PBX1: variants seen among roughly 807,000 people sequenced by gnomAD.
The protein encoded by PBX1 is pre-B-cell leukemia transcription factor 1.
Under a neutral mutation model 53.4 loss-of-function variants are expected in PBX1, and 6 were observed. The observed-to-expected ratio is 0.11, with a 90% CI of 0.06 to 0.22. The LOEUF is 0.22. Among genes scored for constraint, PBX1 ranks in the 10% least tolerant of loss-of-function variants. The pLI is 1.00. For missense variants in PBX1, 251 were observed against 551.4 expected, an observed-to-expected ratio of 0.46 and a Z score of 5.46; for synonymous variants, 204 against 212.3, an observed-to-expected ratio of 0.96 and a Z score of 0.34.
In PBX1 at chr1:164,744,883, G is replaced by T. The variant is rs145298537; in HGVS notation, c.266-47611G>T. Among the ~76,000 whole-genome samples the T allele has an allele frequency of 3.9e-3, 599 of 152,234 alleles. 3 individuals are homozygous for T. Among genetic ancestry groups the T allele is most frequent in the African/African-American group, 0.014 (563 of 41,520 alleles). On this transcript the variant is annotated intron_variant, in intron 2 of 8. Transcript: ENST00000420696. ...TCTTATCTAAGAAGACAGTGGTGGGGGTGGTGGTGGGTGGGAAGAGAAAGG... is the reference window on the plus strand; with the variant it reads ...TCTTATCTAAGAAGACAGTGGTGGGTGTGGTGGTGGGTGGGAAGAGAAAGG...
intron 2 of PBX1, among the ~76,000 whole-genome samples, chr1:164,625,017 A>G (rs1489749894): frequency 6.6e-6 from 1 of 152,226 alleles, no homozygotes; most frequent in African/African-American, 2.4e-5. Context: ...TATAGGGTGG[A>G]AAAATCTCCT....
At chr1:164,879,742 T>C (rs1468660924) in intron 2 of PBX1, among the ~76,000 whole-genome samples, 2 of 152,234 alleles carry the variant, frequency 1.3e-5, no homozygotes, top group African/African-American at 4.8e-5. Context: ...GAGTGGATAA[T>C]ATGACCAGAT....
At chr1:164,625,460 A>G (rs1277920038) in intron 2 of PBX1, among the ~76,000 whole-genome samples, 1 of 152,202 alleles carries the variant, frequency 6.6e-6, no homozygotes, top group Non-Finnish European at 1.5e-5. Context: ...TATTGTACGC[A>G]GAAAGACAGA....
At chr1:164,836,545 A>C (rs79617663) in intron 8 of PBX1, among the ~76,000 whole-genome samples, 1 of 152,132 alleles carries the variant, frequency 6.6e-6, no homozygotes, top group Non-Finnish European at 1.5e-5. Context: ...TCATTTCATC[A>C]GTAAATAGAA....
At chr1:164,607,440 T>C (rs1473426287) in intron 2 of PBX1, among the ~76,000 whole-genome samples, 1 of 152,120 alleles carries the variant, frequency 6.6e-6, no homozygotes, top group East Asian at 1.9e-4. Context: ...AAGTGAAGAA[T>C]AGCAATGTCT....
chr1:164,698,333 G>A lies in PBX1; in HGVS notation c.266-94161G>A, dbSNP rs541135223. Among the ~76,000 whole-genome samples the A allele has an allele frequency of 2.0e-5, 3 of 152,296 alleles. 1 individual carries two copies. The highest frequency in any genetic ancestry group is 7.2e-5 in the African/African-American group (3 of 41,568). ...ATGGTCTTACTGGTATAAATAATAA[G>A]CACAGAGTGTTTCATACATATCAAA... On this transcript the variant is annotated intron_variant, in intron 2 of 8. Coordinates refer to ENST00000420696, the MANE Select transcript of PBX1 (RefSeq NM_002585.4).
intron 2 of PBX1, among the ~76,000 whole-genome samples, chr1:164,603,032 AT>A (rs1266043723): frequency 6.6e-6 from 1 of 150,958 alleles, no homozygotes; most frequent in Non-Finnish European, 1.5e-5. Context: ...TTCTGCAGCT[AT>A]TTTTTCCCCT....
intron 2 of PBX1, among the ~76,000 whole-genome samples, chr1:164,709,815 C>T (rs563464245): frequency 6.3e-4 from 96 of 152,312 alleles, no homozygotes; most frequent in African/African-American, 2.2e-3. Context: ...AGGAACATTA[C>T]CACGGACTCA....
intron 4 of PBX1, among the ~76,000 whole-genome samples, chr1:164,804,860 T>C (rs1451451450): frequency 6.6e-6 from 1 of 152,216 alleles, no homozygotes; most frequent in Non-Finnish European, 1.5e-5. Flanking sequence ...TCTATAGTAA[T>C]GTCACCAAAT....
chr1:164,764,532 A>C (rs1181906470), intron 2 of PBX1, among the ~76,000 whole-genome samples: 1 of 152,174 alleles, frequency 6.6e-6, no homozygotes, highest in Non-Finnish European at 1.5e-5. Context: ...TCTCTTCAGA[A>C]TGTCAGGAGA....
chr1:164,720,274 T>C (rs1664332039), intron 2 of PBX1, among the ~76,000 whole-genome samples: 1 of 151,984 alleles, frequency 6.6e-6, no homozygotes, highest in African/African-American at 2.4e-5. Flanking sequence ...GTCCTGTGGG[T>C]TTAATGACCA....
At chr1:164,682,961 A>G (rs1661875051) in intron 2 of PBX1, 1 of 152,266 alleles carries the variant, frequency 6.6e-6, no homozygotes, top group Non-Finnish European at 1.5e-5. Flanking sequence ...AGTACTGCTC[A>G]GAACCCAGGC....
intron 2 of PBX1, among the ~76,000 whole-genome samples, chr1:164,655,999 A>T (rs867203833): frequency 6.6e-6 from 1 of 151,838 alleles, no homozygotes; most frequent in Non-Finnish European, 1.5e-5. Flanking sequence ...GAGATTATAT[A>T]GACAGTTAGC....
intron 4 of PBX1, among the ~76,000 whole-genome samples, chr1:164,805,699 C>T (rs1173072287): frequency 2.0e-5 from 3 of 152,192 alleles, no homozygotes; most frequent in Non-Finnish European, 4.4e-5. Flanking sequence ...AAAGCCTGGC[C>T]TGCAGACCCT....
intron 2 of PBX1, among the ~76,000 whole-genome samples, chr1:164,759,956 A>G (rs752770958): frequency 6.6e-6 from 1 of 152,146 alleles, no homozygotes; most frequent in Non-Finnish European, 1.5e-5. Flanking sequence ...GATCCCCCTA[A>G]AAACCACAGT....
At chr1:164,866,362 C>T (rs1290684617) in intron 2 of PBX1, among the ~76,000 whole-genome samples, 2 of 152,162 alleles carry the variant, frequency 1.3e-5, no homozygotes, top group African/African-American at 2.4e-5. Flanking sequence ...CAGCCTATTG[C>T]CTAGAATTTC....
At chr1:164,808,478 G>T (rs1262307026) in intron 5 of PBX1, among the ~76,000 whole-genome samples, 1 of 152,128 alleles carries the variant, frequency 6.6e-6, no homozygotes, top group African/African-American at 2.4e-5. Flanking sequence ...TATCGGAGAA[G>T]GTTTTTCTTA....
At position 164,575,778 on chromosome 1, in the gene PBX1, CAA is replaced by C. The variant is rs547970441; in HGVS notation, c.265+12469_265+12470del. ...GCTTACATTAATAAATATTTAAAAA[CAA>C]AGAGCGGGTAACACAAGCACATCTT... On this transcript the variant is annotated intron_variant, in intron 2 of 8. Coordinates refer to ENST00000420696, the MANE Select transcript of PBX1 (RefSeq NM_002585.4). Among the ~76,000 whole-genome samples the C allele has an allele frequency of 2.0e-4, 31 of 151,620 alleles. No individual in the cohort carries two copies. The South Asian group carries it at 5.9e-3, about 29-fold the overall frequency.
At position 164,750,649 on chromosome 1, in the gene PBX1, G is replaced by A. The variant is rs185290743; in HGVS notation, c.266-41845G>A. Among the ~76,000 whole-genome samples, 533 of 152,300 alleles carry A rather than the reference G, an allele frequency of 3.5e-3. 3 individuals carry two copies. The highest frequency in any genetic ancestry group is 0.012 in the African/African-American group (515 of 41,562). ...AGACAGTCAGAAGTAGCTTTCAGGA[G>A]GCTTGGGAAAAATGTTCATTGTTCT... On this transcript the variant is annotated intron_variant, in intron 2 of 8. Transcript: ENST00000420696.
Sources: allele counts gnomAD v4.1 joint callset (sites outside exome capture counted in the v4.1 genomes callset), GRCh38; gene constraint gnomAD v4.1.1; transcripts MANE v1.5; gene names NCBI Gene and HGNC (gene_info 2026-07-23, HGNC 2026-07-21).